The following CLMP variants were observed in gnomAD, a reference collection of about 807,000 sequenced individuals.
CLMP encodes the protein CXADR-like membrane protein.
A neutral mutation model predicts 45.2 loss-of-function variants in CLMP; 27 were observed. That is an observed-to-expected ratio of 0.60 (90% CI 0.44 to 0.82). The LOEUF (loss-of-function observed/expected upper bound fraction) is 0.82, where lower values mean the gene tolerates loss of function less well. Ranked by LOEUF, CLMP falls within the 40% of genes least tolerant of loss-of-function variation. The probability of loss-of-function intolerance (pLI) is 0.00; values close to 1 mark genes in which losing one functional copy is unlikely to be tolerated. For missense variants in CLMP, 403 were observed against 448.4 expected (o/e 0.90, Z 0.91); for synonymous variants, 167 against 171.4 (o/e 0.97, Z 0.20).
intron 1 of CLMP, among the ~76,000 whole-genome samples, chr11:123,166,907 A>C (rs1335477592): frequency 6.6e-6 from 1 of 152,148 alleles, no homozygotes; most frequent in Admixed American, 6.5e-5. Flanking sequence ...AAATATGTAC[A>C]ATTATTACGT....
intron 1 of CLMP, among the ~76,000 whole-genome samples, chr11:123,150,966 G>C (rs1411962028): frequency 2.6e-5 from 4 of 152,176 alleles, no homozygotes. Flanking sequence ...GCCTCCCAAA[G>C]TGCTGGGATT....
chr11:123,083,284 T>G (rs1217313628), intron 4 of CLMP, 77 bp from the exon 5 acceptor site: 2 of 1,324,216 alleles, frequency 1.5e-6, no homozygotes, highest in Non-Finnish European at 2.1e-6. Flanking sequence ...ATTGTATCAC[T>G]GAGCTGAGAT....
chr11:123,147,946 G>A (rs1002046795), intron 1 of CLMP, among the ~76,000 whole-genome samples: 2 of 151,958 alleles, frequency 1.3e-5, no homozygotes, highest in Admixed American at 6.6e-5. Flanking sequence ...CCAAAGTGCT[G>A]GAATGATAGG....
chr11:123,154,636 C>A (rs955656303), intron 1 of CLMP, among the ~76,000 whole-genome samples: 1 of 152,164 alleles, frequency 6.6e-6, no homozygotes, highest in African/African-American at 2.4e-5. Context: ...GGGATGATCA[C>A]TGATTTGGAG....
At chr11:123,094,403 G>A (rs778704657) in intron 2 of CLMP, among the ~76,000 whole-genome samples, 5 of 151,958 alleles carry the variant, frequency 3.3e-5, no homozygotes, top group Admixed American at 6.6e-5. Flanking sequence ...CACTGTGCCC[G>A]CCCGGCCCAG....
At chr11:123,104,234 T>G (rs1324154461) in intron 1 of CLMP, among the ~76,000 whole-genome samples, 17 of 148,610 alleles carry the variant, frequency 1.1e-4, no homozygotes, top group Non-Finnish European at 2.5e-4. Flanking sequence ...ATTACAGGGT[T>G]GCACCACCCA....
chr11:123,113,880 A>G (rs1005939226), intron 1 of CLMP, among the ~76,000 whole-genome samples: 9 of 150,956 alleles, frequency 6.0e-5, no homozygotes, highest in African/African-American at 2.0e-4. Context: ...TTATGGTTCC[A>G]TGCATGTATT....
intron 1 of CLMP, among the ~76,000 whole-genome samples, chr11:123,173,510 A>G (rs1565403607): frequency 6.6e-6 from 1 of 152,360 alleles, no homozygotes; most frequent in East Asian, 1.9e-4. Context: ...TGCCTGGCTC[A>G]TTACAAAATA....
At chr11:123,194,835 A>G in intron 1 of CLMP, 78 bp downstream of exon 1, 1 of 1,568,288 alleles carries the variant, frequency 6.4e-7, no homozygotes, top group Non-Finnish European at 8.8e-7. Context: ...ACACCCGGTC[A>G]GAACCGGCGT....
At chr11:123,168,813 G>A (rs1861592906) in intron 1 of CLMP, among the ~76,000 whole-genome samples, 1 of 152,132 alleles carries the variant, frequency 6.6e-6, no homozygotes, top group African/African-American at 2.4e-5. Context: ...ATTAGATTAG[G>A]AGTCCTTTAA....
At chr11:123,092,944 G>T in intron 2 of CLMP, among the ~76,000 whole-genome samples, 1 of 136,618 alleles carries the variant, frequency 7.3e-6, no homozygotes. Context: ...GTCTCATGCT[G>T]TCGCCCAGGC....
intron 1 of CLMP, among the ~76,000 whole-genome samples, chr11:123,141,110 A>T (rs1162779472): frequency 6.7e-6 from 1 of 149,374 alleles, no homozygotes; most frequent in Non-Finnish European, 1.5e-5. Context: ...CTTCATGTAC[A>T]GCCGGCAGAG....
At chr11:123,121,336 C>T (rs1355141820) in intron 1 of CLMP, among the ~76,000 whole-genome samples, 2 of 151,958 alleles carry the variant, frequency 1.3e-5, no homozygotes, top group Admixed American at 1.3e-4. Flanking sequence ...CTCGTTCTGT[C>T]GTCCAGGCTA....
At position 123,071,147 on chromosome 11, in the gene CLMP, T is replaced by A. The variant is rs1865667001; in HGVS notation, c.*2327A>T. ...TAACCTGCTCTTCTTTTAAAAAGTA[T>A]TCTGGGCCGGGCATGGTGGCTCACA... On this transcript the variant is annotated 3_prime_UTR_variant, in exon 7 of 7. Coordinates refer to ENST00000448775, the MANE Select transcript of CLMP (RefSeq NM_024769.5). The A allele has an allele frequency of 6.6e-6, 1 of 152,162 alleles. No homozygotes were observed. Among genetic ancestry groups the A allele is most frequent in the Admixed American group, 6.6e-5 (1 of 15,262 alleles). The allele number at this position is 152,162 out of a possible 1,614,324, so 9.4% of individuals were successfully genotyped here. A position where few individuals can be genotyped will look rare whatever the true frequency, so the allele number is the denominator to read the frequency against.
At chr11:123,110,838 T>G (rs553919504) in intron 1 of CLMP, among the ~76,000 whole-genome samples, 1 of 152,202 alleles carries the variant, frequency 6.6e-6, no homozygotes, top group Non-Finnish European at 1.5e-5. Flanking sequence ...ACTGACTCTG[T>G]AACAGCGCTG....
intron 1 of CLMP, among the ~76,000 whole-genome samples, chr11:123,150,480 A>AAAGAAAGAAAGAAAGAAAGAAAGAGG (rs764502298): frequency 2.4e-5 from 1 of 40,962 alleles, no homozygotes; most frequent in Non-Finnish European, 4.7e-5. Flanking sequence ...AGAAAGAAAG[A>AAAGAAAGAAAGAAAGAAAGAAAGAGG]AAGGAAGGAA....
At chr11:123,154,699 C>A (rs1250503411) in intron 1 of CLMP, among the ~76,000 whole-genome samples, 2 of 152,146 alleles carry the variant, frequency 1.3e-5, no homozygotes, top group African/African-American at 2.4e-5. Context: ...TCTGAATGAC[C>A]TTGGATAAAT....
intron 1 of CLMP, among the ~76,000 whole-genome samples, chr11:123,154,039 T>C (rs1861378622): frequency 6.6e-6 from 1 of 152,214 alleles, no homozygotes; most frequent in Admixed American, 6.5e-5. Context: ...TTCCCTTTTA[T>C]AGAAGGTGTT....
rs181572505 is a variant in CLMP at position 123,070,059 on chromosome 11, G to A, written c.*3415C>T. 2.0e-5 allele frequency: 3 copies of A among 152,224 alleles called. No homozygotes were observed. Among genetic ancestry groups the A allele is most frequent in the African/African-American group, 4.8e-5 (2 of 41,546 alleles). 9.4% of individuals were successfully genotyped at this position (152,224 alleles called of 1,614,324 possible). On this transcript the variant is annotated 3_prime_UTR_variant, in exon 7 of 7. Coordinates refer to ENST00000448775, the MANE Select transcript of CLMP (RefSeq NM_024769.5). ...TATGTCTTTTTGCAACAGCAGTTCC[G>A]AAATTGTTTTTATACACTGTAACAA...
Sources: gnomAD v4.1 joint callset for allele counts (sites outside exome capture counted in the v4.1 genomes callset) on GRCh38, gnomAD v4.1.1 for gene constraint, MANE v1.5 for transcripts, NCBI Gene and HGNC (gene_info 2026-07-23, HGNC 2026-07-21) for gene names.